FBLN1: variants seen among roughly 807,000 people sequenced by gnomAD.
FBLN1 encodes fibulin-1.
Under a neutral mutation model 89.7 loss-of-function variants are expected in FBLN1, and 34 were observed. The observed-to-expected ratio is 0.38, with a 90% CI of 0.29 to 0.50. The LOEUF (loss-of-function observed/expected upper bound fraction) is 0.50, where lower values mean the gene tolerates loss of function less well. FBLN1 is among the 20% of genes least tolerant of loss of function. The pLI is 0.92. For missense variants in FBLN1, 777 were observed against 988.1 expected (o/e 0.79, Z 2.86); for synonymous variants, 393 against 391.3 (o/e 1.00, Z -0.05).
rs1457911564 is a variant in FBLN1 at position 45,527,892 on chromosome 22, G to GGCCAGA, written c.370_375dup (p.Gln124_Ser125dup). The GGCCAGA allele has an allele frequency of 1.2e-6, 2 of 1,614,170 alleles. No individual in the cohort carries two copies. Among genetic ancestry groups the GGCCAGA allele is most frequent in the Non-Finnish European group, 1.7e-6 (2 of 1,180,030 alleles). ...GCTGGGGAGGGCGGCCCAGGCCCAGGGCCAGAGCTGCGAGTACAGCCTCAT... is the reference window on the plus strand; with the variant it reads ...GCTGGGGAGGGCGGCCCAGGCCCAGGGCCAGAGCCAGAGCTGCGAGTACAGCCTCAT... On this transcript the variant is annotated inframe_insertion, in exon 4 of 17. Transcript: ENST00000327858.
chr22:45,563,017 G>C lies in FBLN1; in HGVS notation c.1698-11494G>C. 4 of 1,613,528 alleles carry C rather than the reference G, an allele frequency of 2.5e-6. No homozygotes were observed. Among genetic ancestry groups the C allele is most frequent in the Non-Finnish European group, 3.4e-6 (4 of 1,179,982 alleles). On this transcript the variant is annotated intron_variant, in intron 14 of 16. Transcript: ENST00000327858. The surrounding 1 kb of genome is among the most constrained non-coding windows in gnomAD (Gnocchi z 5.7). ...TCCCCACCAACATCCAAGCGCCCGCGGTGGTTTTCCGCATGGGCCCCTCCA... is the reference window on the plus strand; with the variant it reads ...TCCCCACCAACATCCAAGCGCCCGCCGTGGTTTTCCGCATGGGCCCCTCCA...
rs1353605683 is a variant in FBLN1 at position 45,590,864 on chromosome 22, G to A, written c.1973-9443G>A. On this transcript the variant is annotated intron_variant, in intron 16 of 16. Coordinates refer to ENST00000327858, the MANE Select transcript of FBLN1 (RefSeq NM_006486.3). The surrounding 1 kb of genome is among the most constrained non-coding windows in gnomAD (Gnocchi z 4.1). ...GGAGGAGGGTAGGTCAGTGTTTGGCGTGCTTGGATTTGAATTGTCCATCTG... is the reference window on the plus strand; with the variant it reads ...GGAGGAGGGTAGGTCAGTGTTTGGCATGCTTGGATTTGAATTGTCCATCTG... Among the ~76,000 whole-genome samples, 2 of 152,158 alleles carry A rather than the reference G, an allele frequency of 1.3e-5. No homozygotes were observed. The highest frequency in any genetic ancestry group is 2.1e-4 in the South Asian group (1 of 4,804).
rs2088395145 is a variant in FBLN1, at chr22:45,530,788, A to G, written c.485-477A>G. Among the ~76,000 whole-genome samples, 1 of 151,520 alleles carries G rather than the reference A, an allele frequency of 6.6e-6. No homozygotes were observed. The highest frequency in any genetic ancestry group is 2.4e-5 in the African/African-American group (1 of 41,200). On this transcript the variant is annotated intron_variant, in intron 4 of 16. Transcript: ENST00000327858. The surrounding 1 kb of genome is among the most constrained non-coding windows in gnomAD (Gnocchi z 5.4). ...AACTGATCTTTTTTTTTTGAAACGG[A>G]GTCTCGCTCTTGTTGCCCAGGCTGG...
intron 1 of FBLN1, among the ~76,000 whole-genome samples, chr22:45,506,270 C>T (rs999744711): frequency 6.6e-6 from 1 of 152,234 alleles, no homozygotes; most frequent in Non-Finnish European, 1.5e-5. Flanking sequence ...GCACATTCTA[C>T]TACTACTGAA....
intron 4 of FBLN1, among the ~76,000 whole-genome samples, chr22:45,529,146 C>T (rs1020871051): frequency 2.6e-5 from 4 of 152,234 alleles, no homozygotes; most frequent in African/African-American, 4.8e-5. Context: ...GAAGATCGCA[C>T]AGCCGACACG....
chr22:45,544,758 T>C (rs1349750228), intron 11 of FBLN1, among the ~76,000 whole-genome samples: 1 of 151,888 alleles, frequency 6.6e-6, no homozygotes, highest in Non-Finnish European at 1.5e-5. Context: ...TATGTGGGGG[T>C]TGGACAGAGT....
At chr22:45,518,600 C>A in intron 1 of FBLN1, 82 bp from the exon 2 acceptor site, 1 of 973,782 alleles carries the variant, frequency 1.0e-6, no homozygotes. Flanking sequence ...GAAGGACGTG[C>A]GTGTCCTGGT....
At position 45,528,214 on chromosome 22, in the gene FBLN1, C is replaced by T. The variant is rs136732; in HGVS notation, c.484+205C>T. Among the ~76,000 whole-genome samples, 54,103 of 152,174 alleles carry T rather than the reference C, an allele frequency of 0.36. 10,352 individuals are homozygous for T. The highest frequency in any genetic ancestry group is 0.52 in the Middle Eastern group (152 of 294). The stretch of plus-strand genomic sequence containing the variant: ...GCAGCTGGAGTTCAAAGGCAGTGTG[C>T]TGGCAGAACGCCGCCTTTCCCGGGG... On this transcript the variant is annotated intron_variant, in intron 4 of 16. Transcript: ENST00000327858.
chr22:45,592,055 A>G lies in FBLN1; in HGVS notation c.1973-8252A>G, dbSNP rs2089142351. On this transcript the variant is annotated intron_variant, in intron 16 of 16. Coordinates refer to ENST00000327858, the MANE Select transcript of FBLN1 (RefSeq NM_006486.3). Reference sequence around the variant, plus strand: ...GAAGGAGATGTAGTGGGATGGGAAGATCTGGGCTCTGAGGTCAGTCCCCGC... The same window carrying G: ...GAAGGAGATGTAGTGGGATGGGAAGGTCTGGGCTCTGAGGTCAGTCCCCGC... Among the ~76,000 whole-genome samples the G allele has an allele frequency of 2.6e-5, 4 of 152,276 alleles. No individual in the cohort carries two copies. In the South Asian group the frequency reaches 8.3e-4, roughly 32 times the overall value.
Position 45,580,916 on chromosome 22 carries a change from C to A in FBLN1, c.1972+3808C>A, listed in dbSNP as rs2147032797. Among the ~76,000 whole-genome samples, 1 of 152,354 alleles carries A rather than the reference C, an allele frequency of 6.6e-6. No individual in the cohort carries two copies. Among genetic ancestry groups the A allele is most frequent in the South Asian group, 2.1e-4 (1 of 4,834 alleles). ...CCCGCAGCAGGGCCCGCGCCGTCGT[C>A]TTTGTAAAGCCCCCTTGCATTCCTC... On this transcript the variant is annotated intron_variant, in intron 16 of 16. Coordinates refer to ENST00000327858, the MANE Select transcript of FBLN1 (RefSeq NM_006486.3). The surrounding 1 kb of genome is among the most constrained non-coding windows in gnomAD (Gnocchi z 8.6).
intron 1 of FBLN1, among the ~76,000 whole-genome samples, chr22:45,508,268 C>A (rs1025937368): frequency 3.7e-5 from 5 of 134,748 alleles, no homozygotes; most frequent in African/African-American, 1.3e-4. Flanking sequence ...CACCAGCACA[C>A]TGGACAGCCT....
At chr22:45,554,815 G>A (rs2147000869) in intron 14 of FBLN1, among the ~76,000 whole-genome samples, 1 of 152,346 alleles carries the variant, frequency 6.6e-6, no homozygotes, top group South Asian at 2.1e-4. Flanking sequence ...TGATGGGCCA[G>A]GAGTTCAGTA....
chr22:45,561,374 A>C lies in FBLN1; in HGVS notation c.1697+10759A>C, dbSNP rs1326660613. Among the ~76,000 whole-genome samples the C allele has an allele frequency of 2.6e-5, 4 of 152,146 alleles. No homozygotes were observed. Among genetic ancestry groups the C allele is most frequent in the African/African-American group, 9.7e-5 (4 of 41,422 alleles). On this transcript the variant is annotated intron_variant, in intron 14 of 16. Transcript: ENST00000327858. The surrounding 1 kb of genome is among the most constrained non-coding windows in gnomAD (Gnocchi z 4.7). ...ATTTTCTTTCATCACTTTGTCCACTAAACTTAGGAGCAACCAACCAGCTTC... is the reference window on the plus strand; with the variant it reads ...ATTTTCTTTCATCACTTTGTCCACTCAACTTAGGAGCAACCAACCAGCTTC...
chr22:45,569,916 G>A (rs1406260842), intron 14 of FBLN1, among the ~76,000 whole-genome samples: 1 of 152,150 alleles, frequency 6.6e-6, no homozygotes, highest in Non-Finnish European at 1.5e-5. Flanking sequence ...GAGAATAAGA[G>A]ACAGAATGAT....
chr22:45,543,649 G>A, intron 11 of FBLN1, 123 bp downstream of exon 11: 10 of 1,296,996 alleles, frequency 7.7e-6, no homozygotes, highest in Non-Finnish European at 9.7e-6. Flanking sequence ...CATGTTAGCA[G>A]GGGAAGTGCC....
chr22:45,567,617 G>GA (rs910140503), intron 14 of FBLN1, among the ~76,000 whole-genome samples: 6 of 152,018 alleles, frequency 3.9e-5, no homozygotes, highest in Admixed American at 2.0e-4. Context: ...CTTTGTCTCA[G>GA]AAAAAAGATA....
chr22:45,516,679 T>C (rs1350934879), intron 1 of FBLN1, among the ~76,000 whole-genome samples: 2 of 152,202 alleles, frequency 1.3e-5, no homozygotes, highest in African/African-American at 4.8e-5. Context: ...GTCAGGCTGC[T>C]GGAAACTGTT....
Position 45,545,685 on chromosome 22 carries a change from G to A in FBLN1, c.1322-1400G>A, listed in dbSNP as rs1463435032. The stretch of plus-strand genomic sequence containing the variant: ...TGAGAGACCACACTGGACAGGTGGA[G>A]GCCAGGCCTGGTGTGTGGGGGCCAC... On this transcript the variant is annotated intron_variant, in intron 11 of 16. Transcript: ENST00000327858. The surrounding 1 kb of genome is among the most constrained non-coding windows in gnomAD (Gnocchi z 5.9). Among the ~76,000 whole-genome samples the A allele has an allele frequency of 6.6e-6, 1 of 152,200 alleles. No individual in the cohort carries two copies. Among genetic ancestry groups the A allele is most frequent in the Non-Finnish European group, 1.5e-5 (1 of 68,038 alleles).
rs188765069 is a variant in FBLN1, at chr22:45,583,292, G to A, written c.1972+6184G>A. On this transcript the variant is annotated intron_variant, in intron 16 of 16. Transcript: ENST00000327858. The surrounding 1 kb of genome is among the most constrained non-coding windows in gnomAD (Gnocchi z 4.5). ...TTCCTTAGAGAAGCTGAAGGGTTTGGGTCCTCAGCTCCTGGCCGGGGCAAG... is the reference window on the plus strand; with the variant it reads ...TTCCTTAGAGAAGCTGAAGGGTTTGAGTCCTCAGCTCCTGGCCGGGGCAAG... Among the ~76,000 whole-genome samples, 896 of 152,274 alleles carry A rather than the reference G, an allele frequency of 5.9e-3. 1 individual carries two copies. The highest frequency in any genetic ancestry group is 8.8e-3 in the Non-Finnish European group (598 of 68,018).
Sources: gnomAD v4.1 joint callset for allele counts (sites outside exome capture counted in the v4.1 genomes callset) on GRCh38, gnomAD v4.1.1 for gene constraint, Gnocchi (gnomAD v3.1) non-coding constraint, MANE v1.5 for transcripts, NCBI Gene and HGNC (gene_info 2026-07-23, HGNC 2026-07-21) for gene names.